Variants in DIP2C observed in about 807,000 individuals in gnomAD.
DIP2C encodes the protein DIP2 acetate--CoA ligase C (putative).
A neutral mutation model predicts 192.4 loss-of-function variants in DIP2C; 33 were observed. That is an observed-to-expected ratio of 0.17 (90% CI 0.13 to 0.23). DIP2C has a LOEUF of 0.23. DIP2C is among the 10% of genes least tolerant of loss of function. The pLI, the probability that DIP2C is intolerant of heterozygous loss-of-function variation, is 1.00. For missense variants in DIP2C, 1,537 were observed against 2,110.1 expected (o/e 0.73, Z 5.32); for synonymous variants, 979 against 864.1 (o/e 1.13, Z -2.33).
At chr10:562,831 AAAC>A (rs1317064372) in intron 1 of DIP2C, among the ~76,000 whole-genome samples, 6 of 152,370 alleles carry the variant, frequency 3.9e-5, no homozygotes, top group East Asian at 1.9e-4. Context: ...CCATAACATC[AAAC>A]AACAGTGCAC....
rs199970582 is a variant in DIP2C at position 447,255 on chromosome 10, T to A, written c.269-6259A>T. On this transcript the variant is annotated intron_variant, in intron 3 of 36. Coordinates refer to ENST00000280886, the MANE Select transcript of DIP2C (RefSeq NM_014974.3). ...CTCAGGATCACACACAGTGGGGCAG[T>A]AGGACCCAATCACCCCCGTCGATAT... Among the ~76,000 whole-genome samples the A allele has an allele frequency of 1.6e-3, 75 of 46,420 alleles. 1 individual carries two copies. The highest frequency in any genetic ancestry group is 4.5e-3 in the African/African-American group (71 of 15,628). The allele number at this position is 46,420 out of a possible 152,430, so 30.5% of individuals were successfully genotyped here.
At chr10:465,398 A>G (rs1410026691) in intron 3 of DIP2C, among the ~76,000 whole-genome samples, 1 of 151,242 alleles carries the variant, frequency 6.6e-6, no homozygotes, top group Non-Finnish European at 1.5e-5. Context: ...CAAAATAATA[A>G]GAGCTATCTA....
In DIP2C at chr10:583,499, A is replaced by G. The variant is rs78081431; in HGVS notation, c.86-96969T>C. ...GAACTTTCAATGTTCAGATTTCAGT[A>G]TCGATATAACTTTGTAAGCAGTCAG... On this transcript the variant is annotated intron_variant, in intron 1 of 36. Transcript: ENST00000280886. 2.9e-3 allele frequency among the ~76,000 whole-genome samples: 448 copies of G among 152,368 alleles called. 4 individuals carry two copies. Among genetic ancestry groups the G allele is most frequent in the African/African-American group, 0.01 (430 of 41,590 alleles).
At chr10:603,916 C>CT (rs1048215757) in intron 1 of DIP2C, among the ~76,000 whole-genome samples, 5 of 150,846 alleles carry the variant, frequency 3.3e-5, no homozygotes, top group Non-Finnish European at 7.4e-5. Flanking sequence ...GCCCCAGCCT[C>CT]AGCCCCACAC....
intron 1 of DIP2C, among the ~76,000 whole-genome samples, chr10:603,711 A>C (rs556173613): frequency 6.6e-6 from 1 of 152,366 alleles, no homozygotes; most frequent in South Asian, 2.1e-4. Flanking sequence ...TCTGGAGGTG[A>C]ATAGATACAA....
chr10:568,414 T>C (rs1232886109), intron 1 of DIP2C, among the ~76,000 whole-genome samples: 2 of 152,024 alleles, frequency 1.3e-5, no homozygotes, highest in East Asian at 1.9e-4. Context: ...AAACGAATCA[T>C]CCAAGATCAG....
intron 3 of DIP2C, among the ~76,000 whole-genome samples, chr10:453,274 G>C (rs1046796555): frequency 6.6e-6 from 1 of 152,136 alleles, no homozygotes; most frequent in Non-Finnish European, 1.5e-5. Flanking sequence ...ACATGAATGA[G>C]ACACCAGATG....
chr10:345,176 C>G lies in DIP2C; in HGVS notation c.3232-66G>C, dbSNP rs757529687. 5.6e-6 allele frequency: 8 copies of G among 1,428,326 alleles called. 1 individual carries two copies. The highest frequency in any genetic ancestry group is 1.7e-4 in the Middle Eastern group (1 of 5,740). 88.5% of individuals were successfully genotyped at this position (1,428,326 alleles called of 1,614,324 possible). ...CAGATGAAAGCGTGCTCACTTCACA[C>G]GGGTCTCCTGCTTACTACATACACT... On this transcript the variant is annotated intron_variant, in intron 26 of 36. Coordinates refer to ENST00000280886, the MANE Select transcript of DIP2C (RefSeq NM_014974.3).
In DIP2C at chr10:448,115, AT is replaced by A. The variant is rs1317400782; in HGVS notation, c.269-7120del. 3.3e-3 allele frequency among the ~76,000 whole-genome samples: 392 copies of A among 120,370 alleles called. 1 individual carries two copies. The highest frequency in any genetic ancestry group is 0.013 in the African/African-American group (251 of 19,518). The allele number at this position is 120,370 out of a possible 152,430, so 79.0% of individuals were successfully genotyped here. ...CACAGTGGGGCAGCAGGACCCACTC[AT>A]CCCCATCTATACTCAGGATCACACA... On this transcript the variant is annotated intron_variant, in intron 3 of 36. Coordinates refer to ENST00000280886, the MANE Select transcript of DIP2C (RefSeq NM_014974.3).
In DIP2C at chr10:277,034, C is replaced by T; in HGVS notation, c.*291G>A. On this transcript the variant is annotated 3_prime_UTR_variant, in exon 37 of 37. Coordinates refer to ENST00000280886, the MANE Select transcript of DIP2C (RefSeq NM_014974.3). ...ATTTACGAAGAAAGCACTTATTATC[C>T]AATAATTAAAAAAGAAAGAAAAGAA... 3.1e-6 allele frequency: 1 copy of T among 324,738 alleles called. No individual in the cohort carries two copies. The highest frequency in any genetic ancestry group is 5.6e-6 in the Non-Finnish European group (1 of 179,540). The allele number at this position is 324,738 out of a possible 1,614,324, so 20.1% of individuals were successfully genotyped here.
At chr10:547,440 A>AGAAG (rs1182221738) in intron 1 of DIP2C, among the ~76,000 whole-genome samples, 7 of 152,070 alleles carry the variant, frequency 4.6e-5, no homozygotes, top group Non-Finnish European at 1.0e-4. Context: ...CACATCACTG[A>AGAAG]GAAGGAAGGA....
At chr10:422,652 T>C (rs1966277503) in intron 5 of DIP2C, among the ~76,000 whole-genome samples, 172 bp downstream of exon 5, 1 of 152,150 alleles carries the variant, frequency 6.6e-6, no homozygotes, top group Non-Finnish European at 1.5e-5. Flanking sequence ...GACCTGGGCA[T>C]GAGAAGTGTA....
intron 1 of DIP2C, among the ~76,000 whole-genome samples, chr10:534,518 T>A (rs1011999929): frequency 5.3e-5 from 8 of 152,124 alleles, no homozygotes; most frequent in African/African-American, 1.9e-4. Flanking sequence ...ACATCGGTGT[T>A]TTGCTGATTG....
intron 1 of DIP2C, among the ~76,000 whole-genome samples, chr10:567,982 C>CCA (rs1161641163): frequency 3.3e-5 from 5 of 151,952 alleles, no homozygotes; most frequent in East Asian, 1.9e-4. Flanking sequence ...CCCAGGACAT[C>CCA]CACGTCCCAC....
At chr10:499,389 ACT>A (rs1463695565) in intron 1 of DIP2C, among the ~76,000 whole-genome samples, 2 of 152,232 alleles carry the variant, frequency 1.3e-5, no homozygotes, top group Non-Finnish European at 1.5e-5. Flanking sequence ...ACTGCCCAAG[ACT>A]CTCTAATTTA....
At chr10:482,833 C>G (rs1302232380) in intron 2 of DIP2C, among the ~76,000 whole-genome samples, 1 of 152,208 alleles carries the variant, frequency 6.6e-6, no homozygotes, top group Non-Finnish European at 1.5e-5. Context: ...AGGTTTACAA[C>G]TTTGACTGGG....
chr10:670,660 T>C (rs1266748840), intron 1 of DIP2C, among the ~76,000 whole-genome samples: 1 of 152,220 alleles, frequency 6.6e-6, no homozygotes, highest in Non-Finnish European at 1.5e-5. Context: ...GATTCTCTAA[T>C]CATTAGATTA....
At chr10:455,929 A>G (rs74696569) in intron 3 of DIP2C, among the ~76,000 whole-genome samples, 1 of 17,014 alleles carries the variant, frequency 5.9e-5, no homozygotes, top group Non-Finnish European at 9.8e-5. Context: ...AACACTCTGC[A>G]GTGAGTCCCT....
chr10:568,682 C>A (rs1452395286), intron 1 of DIP2C, among the ~76,000 whole-genome samples: 1 of 137,820 alleles, frequency 7.3e-6, no homozygotes, highest in Non-Finnish European at 1.5e-5. Context: ...AGGAGAATGG[C>A]GTGAACCCGG....
Sources: gnomAD v4.1 joint callset for allele counts (sites outside exome capture counted in the v4.1 genomes callset) on GRCh38, gnomAD v4.1.1 for gene constraint, MANE v1.5 for transcripts, NCBI Gene and HGNC (gene_info 2026-07-23, HGNC 2026-07-21) for gene names.